Variants in ZNF423 observed in about 807,000 individuals in gnomAD.
ZNF423 encodes Ebf-associated zinc finger protein.
Under a neutral mutation model 95.8 loss-of-function variants are expected in ZNF423, and 12 were observed. That is an observed-to-expected ratio of 0.13 (90% CI 0.08 to 0.20). The LOEUF (loss-of-function observed/expected upper bound fraction) is 0.20. Ranked by LOEUF, ZNF423 falls within the 10% of genes least tolerant of loss-of-function variation. The pLI is 1.00. For synonymous variants in ZNF423, 749 were observed against 711.9 expected (o/e 1.05, Z -0.83); for missense variants, 1,316 against 1,737.1 (o/e 0.76, Z 4.31).
At chr16:49,695,703 A>T (rs2031943937) in intron 3 of ZNF423, among the ~76,000 whole-genome samples, 1 of 152,262 alleles carries the variant, frequency 6.6e-6, no homozygotes, top group Admixed American at 6.5e-5. Context: ...CCAGGATTAC[A>T]GGCGTGAGCC....
At chr16:49,589,341 T>C (rs1432523209) in intron 5 of ZNF423, among the ~76,000 whole-genome samples, 6 of 152,206 alleles carry the variant, frequency 3.9e-5, no homozygotes, top group African/African-American at 1.4e-4. Flanking sequence ...ATAAACATGA[T>C]TTCTTCCTCC....
At chr16:49,741,776 G>C (rs2033419187) in intron 2 of ZNF423, among the ~76,000 whole-genome samples, 1 of 152,230 alleles carries the variant, frequency 6.6e-6, no homozygotes, top group South Asian at 2.1e-4. Context: ...AAGCAGTGAT[G>C]AAAGTGTCTC....
chr16:49,496,848 T>C (rs976153569), intron 7 of ZNF423, among the ~76,000 whole-genome samples: 26 of 152,216 alleles, frequency 1.7e-4, no homozygotes, highest in Admixed American at 6.5e-4. Flanking sequence ...GACTGTTTGC[T>C]CCCTGCCACT....
chr16:49,613,283 T>C (rs1414831751), intron 5 of ZNF423, among the ~76,000 whole-genome samples: 2 of 152,238 alleles, frequency 1.3e-5, no homozygotes, highest in Non-Finnish European at 2.9e-5. Context: ...ATTCTATAGC[T>C]ATAGTAATCA....
intron 5 of ZNF423, among the ~76,000 whole-genome samples, chr16:49,536,580 C>T (rs1969063984): frequency 6.6e-6 from 1 of 151,966 alleles, no homozygotes; most frequent in African/African-American, 2.4e-5. Flanking sequence ...GCAGCTGGGA[C>T]TGCCAGAGTG....
At chr16:49,591,352 A>T (rs1971005126) in intron 5 of ZNF423, among the ~76,000 whole-genome samples, 1 of 152,234 alleles carries the variant, frequency 6.6e-6, no homozygotes, top group Non-Finnish European at 1.5e-5. Context: ...TAGGCATTAT[A>T]ACCCCACTGG....
chr16:49,510,656 C>T (rs1967849891), intron 7 of ZNF423, among the ~76,000 whole-genome samples: 1 of 152,206 alleles, frequency 6.6e-6, no homozygotes, highest in East Asian at 1.9e-4. Context: ...TCCCCTCAGG[C>T]CCCAAGGCCC....
At chr16:49,531,196 C>T (rs1436319072) in intron 5 of ZNF423, among the ~76,000 whole-genome samples, 2 of 152,002 alleles carry the variant, frequency 1.3e-5, no homozygotes, top group Non-Finnish European at 2.9e-5. Context: ...GGCTGCTTGG[C>T]CAAGCTGCGG....
At chr16:49,805,180 T>C (rs1208409084) in intron 1 of ZNF423, among the ~76,000 whole-genome samples, 1 of 152,140 alleles carries the variant, frequency 6.6e-6, no homozygotes, top group Admixed American at 6.5e-5. Context: ...CAGCATTATA[T>C]GTTGCCCACA....
intron 7 of ZNF423, 55 bp downstream of exon 7, chr16:49,523,569 G>A: frequency 4.0e-6 from 6 of 1,497,952 alleles, no homozygotes; most frequent in Non-Finnish European, 5.6e-6. Context: ...CGTCGGTGCT[G>A]ACGGGGGAAC....
intron 2 of ZNF423, among the ~76,000 whole-genome samples, chr16:49,734,197 G>C (rs1165499201): frequency 6.6e-6 from 1 of 152,164 alleles, no homozygotes; most frequent in Admixed American, 6.5e-5. Context: ...GTAAGTCCTG[G>C]GGATGGAATG....
intron 3 of ZNF423, among the ~76,000 whole-genome samples, chr16:49,678,807 G>A (rs185660975): frequency 2.6e-5 from 4 of 152,356 alleles, no homozygotes; most frequent in Admixed American, 2.6e-4. Flanking sequence ...CACACAGTTT[G>A]GGGAAACCAA....
chr16:49,802,201 G>T (rs1440936517), intron 1 of ZNF423, among the ~76,000 whole-genome samples: 3 of 152,104 alleles, frequency 2.0e-5, no homozygotes, highest in Non-Finnish European at 4.4e-5. Context: ...CAGGCAGCAG[G>T]TCTGGTTCCA....
chr16:49,503,451 C>T (rs952468950), intron 7 of ZNF423, among the ~76,000 whole-genome samples: 6 of 152,132 alleles, frequency 3.9e-5, no homozygotes, highest in African/African-American at 1.4e-4. Context: ...CCTCAGCCAC[C>T]ACCTTCTGCC....
chr16:49,621,485 G>A (rs1972080354), intron 5 of ZNF423, among the ~76,000 whole-genome samples: 1 of 152,110 alleles, frequency 6.6e-6, no homozygotes, highest in South Asian at 2.1e-4. Flanking sequence ...CCATGCAGAG[G>A]CCCCCGCTAT....
At chr16:49,748,699 G>GC (rs1431957902) in intron 2 of ZNF423, among the ~76,000 whole-genome samples, 2 of 152,186 alleles carry the variant, frequency 1.3e-5, no homozygotes, top group Admixed American at 1.3e-4. Flanking sequence ...TTCCAGCGAA[G>GC]CCCCTTTTCC....
At chr16:49,600,483 A>G (rs2151829929) in intron 5 of ZNF423, among the ~76,000 whole-genome samples, 1 of 152,202 alleles carries the variant, frequency 6.6e-6, no homozygotes, top group East Asian at 1.9e-4. Context: ...AGCAGAAACA[A>G]GAGTCCCCTA....
At position 49,635,529 on chromosome 16, in the gene ZNF423, C is replaced by G. The variant is rs1972656749; in HGVS notation, c.3516+131G>C. 1 of 1,192,290 alleles carries G rather than the reference C, an allele frequency of 8.4e-7. No individual in the cohort carries two copies. The allele number at this position is 1,192,290 out of a possible 1,614,324, so 73.9% of individuals were successfully genotyped here. On this transcript the variant is annotated intron_variant, in intron 4 of 7. Coordinates refer to ENST00000563137, the MANE Select transcript of ZNF423 (RefSeq NM_001379286.1). This position sits in a 1 kb window ranked among gnomAD's most constrained non-coding sequence, Gnocchi z 4.8. The stretch of plus-strand genomic sequence containing the variant: ...CAAACTCAAGGAGTCTACAGCACAG[C>G]AGTTCTGTTTTGCCACTGCGCGATA...
chr16:49,812,930 T>C (rs1445776221), intron 1 of ZNF423, among the ~76,000 whole-genome samples: 1 of 150,726 alleles, frequency 6.6e-6, no homozygotes, highest in Non-Finnish European at 1.5e-5. Flanking sequence ...GCTGGGGGAG[T>C]TTCTAATTTT....
Sources: allele counts gnomAD v4.1 joint callset (sites outside exome capture counted in the v4.1 genomes callset), GRCh38; gene constraint gnomAD v4.1.1; non-coding constraint Gnocchi (gnomAD v3.1); transcripts MANE v1.5; gene names NCBI Gene and HGNC (gene_info 2026-07-23, HGNC 2026-07-21).